The following RBFOX1 variants were observed in gnomAD, a reference collection of about 807,000 sequenced individuals.
The protein encoded by RBFOX1 is RNA binding protein fox-1 homolog 1.
RBFOX1 carries 8 observed loss-of-function variants against 57.7 expected under a neutral mutation model. The observed-to-expected ratio is 0.14, with a 90% CI of 0.08 to 0.25. RBFOX1 has a LOEUF of 0.25. Among genes scored for constraint, RBFOX1 ranks in the 10% least tolerant of loss-of-function variants. The pLI is 1.00. For missense variants in RBFOX1, 611 were observed against 548.5 expected (o/e 1.11, Z -1.14); for synonymous variants, 326 against 222.4 (o/e 1.47, Z -4.15).
At chr16:7,579,482 A>C (rs933476812) in intron 5 of RBFOX1, among the ~76,000 whole-genome samples, 1 of 151,960 alleles carries the variant, frequency 6.6e-6, no homozygotes, top group African/African-American at 2.4e-5. Flanking sequence ...TCTGTCTGCC[A>C]ACACTCTATC....
At chr16:6,254,992 C>T (rs984267264) in intron 1 of RBFOX1, among the ~76,000 whole-genome samples, 2 of 151,916 alleles carry the variant, frequency 1.3e-5, no homozygotes, top group African/African-American at 2.4e-5. Context: ...TTTTTTCAGT[C>T]AGTGCTTTTA....
intron 3 of RBFOX1, among the ~76,000 whole-genome samples, chr16:7,035,036 C>T (rs1434367059): frequency 1.3e-5 from 2 of 150,916 alleles, no homozygotes; most frequent in African/African-American, 4.9e-5. Flanking sequence ...TTATTAGAGA[C>T]AGGGTTTTAC....
At chr16:6,446,727 T>C (rs971358690) in intron 2 of RBFOX1, among the ~76,000 whole-genome samples, 1 of 152,224 alleles carries the variant, frequency 6.6e-6, no homozygotes, top group African/African-American at 2.4e-5. Context: ...TAGTTATATT[T>C]ACTATAAATG....
intron 12 of RBFOX1, among the ~76,000 whole-genome samples, chr16:7,661,771 G>C (rs553152886): frequency 6.6e-6 from 1 of 152,256 alleles, no homozygotes; most frequent in Admixed American, 6.5e-5. Context: ...GCTTGTTTGA[G>C]CTTTTCACAA....
chr16:6,303,334 ATTTT>A (rs35430919), intron 1 of RBFOX1, among the ~76,000 whole-genome samples: 126 of 148,332 alleles, frequency 8.5e-4, no homozygotes, highest in South Asian at 7.2e-3. Context: ...TATTAAATAG[ATTTT>A]TTTTTTTTTA....
intron 7 of RBFOX1, among the ~76,000 whole-genome samples, chr16:7,587,948 G>C (rs2152898158): frequency 6.6e-6 from 1 of 152,304 alleles, no homozygotes; most frequent in East Asian, 1.9e-4. Context: ...GCACTTTGAG[G>C]TGGGTGGATC....
intron 5 of RBFOX1, among the ~76,000 whole-genome samples, chr16:7,520,877 G>A (rs187651730): frequency 2.2e-4 from 34 of 152,160 alleles, no homozygotes; most frequent in African/African-American, 5.8e-4. Context: ...GAAATTTTAC[G>A]TATTCATTTA....
At chr16:6,199,671 C>T (rs577202457) in intron 1 of RBFOX1, among the ~76,000 whole-genome samples, 14 of 152,208 alleles carry the variant, frequency 9.2e-5, no homozygotes, top group South Asian at 2.1e-4. Flanking sequence ...CACCTGGTAC[C>T]GTGCATTTCA....
intron 1 of RBFOX1, among the ~76,000 whole-genome samples, chr16:6,265,956 G>C (rs148300921): frequency 1.1e-3 from 167 of 152,192 alleles, no homozygotes; most frequent in African/African-American, 3.9e-3. Context: ...TGGGTCCATG[G>C]TAGGTTTATT....
intron 3 of RBFOX1, among the ~76,000 whole-genome samples, chr16:6,717,025 C>T (rs778979912): frequency 6.6e-6 from 1 of 152,154 alleles, no homozygotes; most frequent in Non-Finnish European, 1.5e-5. Context: ...TCTTTTCTCT[C>T]AACCATGTGA....
chr16:6,878,872 A>C (rs1175990751), intron 3 of RBFOX1, among the ~76,000 whole-genome samples: 1 of 82,454 alleles, frequency 1.2e-5, no homozygotes, highest in Non-Finnish European at 2.7e-5. Context: ...ATTAACAGCT[A>C]ATCTTTGATA....
chr16:6,914,063 C>T (rs996526674), intron 3 of RBFOX1, among the ~76,000 whole-genome samples: 2 of 152,140 alleles, frequency 1.3e-5, no homozygotes, highest in Non-Finnish European at 2.9e-5. Flanking sequence ...GGTTAGAAAC[C>T]CATCTTTTGT....
intron 2 of RBFOX1, among the ~76,000 whole-genome samples, chr16:5,563,618 C>A (rs578018172): frequency 6.6e-6 from 1 of 152,132 alleles, no homozygotes; most frequent in Admixed American, 6.5e-5. Context: ...AAGTAGTTGA[C>A]CAGCCCTGAA....
At chr16:7,674,881 A>C (rs1315966707) in intron 13 of RBFOX1, among the ~76,000 whole-genome samples, 1 of 152,218 alleles carries the variant, frequency 6.6e-6, no homozygotes, top group Non-Finnish European at 1.5e-5. Context: ...GAGGATATGC[A>C]AAGTTCAAAC....
At chr16:7,304,868 G>C (rs1292122209) in intron 4 of RBFOX1, among the ~76,000 whole-genome samples, 3 of 151,678 alleles carry the variant, frequency 2.0e-5, no homozygotes, top group Non-Finnish European at 2.9e-5. Flanking sequence ...TGTTAATTCA[G>C]CTGATTTAAT....
intron 3 of RBFOX1, among the ~76,000 whole-genome samples, chr16:6,745,081 G>A (rs1388817412): frequency 2.0e-5 from 3 of 151,992 alleles, no homozygotes; most frequent in Non-Finnish European, 4.4e-5. Context: ...TAAGATTTAA[G>A]GGTGAAATGG....
At chr16:6,607,271 G>T (rs369015943) in intron 2 of RBFOX1, among the ~76,000 whole-genome samples, 40 of 152,210 alleles carry the variant, frequency 2.6e-4, no homozygotes, top group African/African-American at 9.4e-4. Context: ...TGGTTATTAG[G>T]ATTAAAAGGG....
rs990949957 is a variant in RBFOX1 at position 7,418,487 on chromosome 16, G to T, written c.28-99660G>T. On this transcript the variant is annotated intron_variant, in intron 4 of 15. Coordinates refer to ENST00000550418, the MANE Select transcript of RBFOX1 (RefSeq NM_018723.4). ...ATCTGAGATGGAGATTACGCATTCT[G>T]TGTCTCTGCCTGACACAACATTTCT... 7.9e-5 allele frequency among the ~76,000 whole-genome samples: 12 copies of T among 152,276 alleles called. No individual in the cohort carries two copies. The East Asian group carries it at 1.4e-3, about 17-fold the overall frequency.
At chr16:6,506,944 A>G (rs1473190222) in intron 2 of RBFOX1, among the ~76,000 whole-genome samples, 1 of 152,110 alleles carries the variant, frequency 6.6e-6, no homozygotes, top group Non-Finnish European at 1.5e-5. Flanking sequence ...CACCGTGCCC[A>G]GCCTTAGTAG....
Sources: allele counts gnomAD v4.1 joint callset (sites outside exome capture counted in the v4.1 genomes callset), GRCh38; gene constraint gnomAD v4.1.1; transcripts MANE v1.5; gene names NCBI Gene and HGNC (gene_info 2026-07-23, HGNC 2026-07-21).